Variants in BDP1 observed in about 807,000 individuals in gnomAD.
The protein encoded by BDP1 is transcription factor TFIIIB component B'' homolog.
In BDP1, 169 loss-of-function variants were observed where a neutral mutation model predicts 266.6. The ratio of observed to expected loss-of-function variants is 0.63; its 90% confidence interval spans 0.56 to 0.72. BDP1 has a LOEUF of 0.72. Among genes scored for constraint, BDP1 ranks in the 30% least tolerant of loss-of-function variants. The pLI is 0.00. For synonymous variants in BDP1, 1,090 were observed against 1,022.4 expected, an observed-to-expected ratio of 1.07 and a Z score of -1.26; for missense variants, 3,015 against 3,053.8, an observed-to-expected ratio of 0.99 and a Z score of 0.30.
At position 71,485,853 on chromosome 5, in the gene BDP1, A is replaced by G. The variant is rs147258269; in HGVS notation, c.1070-631A>G. Among the ~76,000 whole-genome samples the G allele has an allele frequency of 1.4e-3, 215 of 152,362 alleles. 3 individuals carry two copies. The East Asian group carries it at 0.036, about 26-fold the overall frequency. On this transcript the variant is annotated intron_variant, in intron 8 of 38. Coordinates refer to ENST00000358731, the MANE Select transcript of BDP1 (RefSeq NM_018429.3). ...AGGCATTTCAAGGACTTCTCAGTCC[A>G]TAAAAAAATTGATTTATATTTATAC... is the stretch of plus-strand genomic sequence containing the variant.
chr5:71,494,164 G>A (rs919348644), intron 11 of BDP1, among the ~76,000 whole-genome samples: 17 of 152,066 alleles, frequency 1.1e-4, no homozygotes, highest in African/African-American at 4.1e-4. Flanking sequence ...GATTTTATGT[G>A]TAATATCTAG....
In BDP1 at chr5:71,549,624, CTG is replaced by C. The variant is rs1226004038; in HGVS notation, c.6995+20_6995+21del. The C allele has an allele frequency of 4.5e-6, 7 of 1,572,844 alleles. No homozygotes were observed. The highest frequency in any genetic ancestry group is 4.1e-5 in the African/African-American group (3 of 73,504). ...GACATGAGGTAACGAATGAGTGAAA[CTG>C]TTTTTGCTAGGAGGAAAAGTGATTT... On this transcript the variant is annotated intron_variant, in intron 34 of 38. Transcript: ENST00000358731.
chr5:71,567,831 G>A (rs1307637566), downstream of BDP1: 1 of 152,022 alleles, frequency 6.6e-6, no homozygotes, highest in African/African-American at 2.4e-5. Context: ...TTTCTGTTGT[G>A]TCCTTTTAAG....
rs770842132 is a variant in BDP1, at chr5:71,466,067, G to T, written c.660-29G>T. On this transcript the variant is annotated intron_variant, in intron 4 of 38. Transcript: ENST00000358731. ...ATTTAGGCACACTTTTCATGCCTTT[G>T]TGAATTAACTTATCTTTATATGTGG... 3 of 1,607,100 alleles carry T rather than the reference G, an allele frequency of 1.9e-6. No homozygotes were observed. The Admixed American group carries it at 5.1e-5, about 27-fold the overall frequency.
intron 14 of BDP1, among the ~76,000 whole-genome samples, chr5:71,502,026 T>G (rs1205539184): frequency 1.3e-5 from 2 of 152,176 alleles, no homozygotes; most frequent in Non-Finnish European, 1.5e-5. Context: ...ATACTATGAT[T>G]TGGGACTAAT....
intron 16 of BDP1, among the ~76,000 whole-genome samples, chr5:71,507,472 C>T (rs1160996940): frequency 6.6e-6 from 1 of 152,212 alleles, no homozygotes; most frequent in Non-Finnish European, 1.5e-5. Flanking sequence ...CATTGCATAT[C>T]TGTATCTTAC....
chr5:71,530,598 T>A (rs1766183159), intron 25 of BDP1, among the ~76,000 whole-genome samples: 1 of 152,042 alleles, frequency 6.6e-6, no homozygotes, highest in Non-Finnish European at 1.5e-5. Context: ...TTGTCCAGGC[T>A]GGCCTCAAAC....
rs112181566 is a variant in BDP1, at chr5:71,553,481, T to C, written c.7200+161T>C. 0.015 allele frequency among the ~76,000 whole-genome samples: 2,347 copies of C among 152,270 alleles called. 64 individuals are homozygous for C. Among genetic ancestry groups the C allele is most frequent in the African/African-American group, 0.053 (2,191 of 41,546 alleles). ...CATAAGTTATTCAAGTAAAACTGGT[T>C]TTGGATTATCACTTTTAACCAATGG... On this transcript the variant is annotated intron_variant, in intron 35 of 38. Transcript: ENST00000358731.
chr5:71,535,196 A>G (rs1766515401), intron 26 of BDP1, among the ~76,000 whole-genome samples: 1 of 151,834 alleles, frequency 6.6e-6, no homozygotes, highest in African/African-American at 2.4e-5. Context: ...CCATCATAAA[A>G]TAACAATTTT....
chr5:71,457,612 C>T (rs1221474517), intron 1 of BDP1, among the ~76,000 whole-genome samples: 1 of 152,006 alleles, frequency 6.6e-6, no homozygotes, highest in Non-Finnish European at 1.5e-5. Context: ...CGTGCCCAGC[C>T]TCTTTTTATT....
intron 25 of BDP1, among the ~76,000 whole-genome samples, chr5:71,525,832 C>T (rs1490035870): frequency 1.3e-5 from 2 of 151,980 alleles, no homozygotes; most frequent in African/African-American, 4.8e-5. Flanking sequence ...CTCCTCACTT[C>T]TCAGACGGTG....
chr5:71,470,369 T>G (rs1355874053), intron 6 of BDP1, 26 bp from the exon 7 acceptor site: 1 of 1,441,006 alleles, frequency 6.9e-7, no homozygotes, highest in Non-Finnish European at 9.7e-7. Flanking sequence ...TAATTTTCAA[T>G]CATTCTAAAT....
Position 71,467,677 on chromosome 5 carries a change from A to T in BDP1, c.919+190A>T, listed in dbSNP as rs186090694. Among the ~76,000 whole-genome samples, 73 of 152,254 alleles carry T rather than the reference A, an allele frequency of 4.8e-4. 2 individuals carry two copies. The highest frequency in any genetic ancestry group is 4.7e-3 in the Admixed American group (72 of 15,280). ...CTGACTTTGTCTTACAAATCTTCAAAAAAATTTTATTTTTTATAGCAACTG... is the reference window on the plus strand; with the variant it reads ...CTGACTTTGTCTTACAAATCTTCAATAAAATTTTATTTTTTATAGCAACTG... On this transcript the variant is annotated intron_variant, in intron 6 of 38. Coordinates refer to ENST00000358731, the MANE Select transcript of BDP1 (RefSeq NM_018429.3).
At chr5:71,524,455 C>A (rs1765666905) in intron 25 of BDP1, 132 bp downstream of exon 25, 1 of 1,016,308 alleles carries the variant, frequency 9.8e-7, no homozygotes. Flanking sequence ...ATAACCTCTA[C>A]CAAATATAAT....
In BDP1 at chr5:71,525,444, ACACCCCCCACC is replaced by A. The variant is rs1561750643; in HGVS notation, c.5772+1122_5772+1132del. Among the ~76,000 whole-genome samples, 102 of 106,820 alleles carry A rather than the reference ACACCCCCCACC, an allele frequency of 9.5e-4. 14 individuals carry two copies. Among genetic ancestry groups the A allele is most frequent in the African/African-American group, 3.1e-3 (87 of 27,666 alleles). The allele number at this position is 106,820 out of a possible 152,430, so 70.1% of individuals were successfully genotyped here. A position where few individuals can be genotyped will look rare whatever the true frequency, so the allele number is the denominator to read the frequency against. ...GGGCGGCTGGCCGGGCGGGGGGCTG[ACACCCCCCACC>A]TCCCTCCCGGACGGGGCGGCTGGCC... On this transcript the variant is annotated intron_variant, in intron 25 of 38. Transcript: ENST00000358731.
chr5:71,501,763 C>T, intron 14 of BDP1, 110 bp downstream of exon 14: 3 of 697,656 alleles, frequency 4.3e-6, no homozygotes, highest in Non-Finnish European at 7.4e-6. Context: ...TTTCAAGCAG[C>T]ATACTTTAAG....
intron 34 of BDP1, 24 bp downstream of exon 34, chr5:71,549,630 T>C: frequency 6.4e-7 from 1 of 1,569,688 alleles, no homozygotes; most frequent in East Asian, 2.3e-5. Flanking sequence ...GAAACTGTTT[T>C]TGCTAGGAGG....
chr5:71,477,750 G>T (rs1247037594), intron 7 of BDP1, among the ~76,000 whole-genome samples: 1 of 151,408 alleles, frequency 6.6e-6, no homozygotes, highest in Non-Finnish European at 1.5e-5. Flanking sequence ...CATCCCAAGT[G>T]CCCAACTACA....
intron 22 of BDP1, 96 bp downstream of exon 22, chr5:71,517,548 G>A: frequency 4.6e-6 from 5 of 1,084,208 alleles, no homozygotes; most frequent in Non-Finnish European, 6.6e-6. Flanking sequence ...TTCACATCCT[G>A]AAAATGTTAA....
Sources: gnomAD v4.1 joint callset for allele counts (sites outside exome capture counted in the v4.1 genomes callset) on GRCh38, gnomAD v4.1.1 for gene constraint, MANE v1.5 for transcripts, NCBI Gene and HGNC (gene_info 2026-07-23, HGNC 2026-07-21) for gene names.